SAMD13: variants seen among roughly 807,000 people sequenced by gnomAD.
The protein encoded by SAMD13 is sterile alpha motif domain-containing protein 13.
In SAMD13, 9 loss-of-function variants were observed where a neutral mutation model predicts 12.4. The ratio of observed to expected loss-of-function variants is 0.72; its 90% CI spans 0.44 to 1.26. The LOEUF is 1.26. Among genes scored for constraint, SAMD13 ranks in the 50% most tolerant of loss-of-function variants. SAMD13 has a pLI of 0.00. For synonymous variants in SAMD13, 46 were observed against 45.4 expected, an observed-to-expected ratio of 1.01 and a Z score of -0.05; for missense variants, 84 against 119.6, an observed-to-expected ratio of 0.70 and a Z score of 1.39.
At chr1:84,342,674 A>G (rs1258061745) in intron 3 of SAMD13, among the ~76,000 whole-genome samples, 1 of 152,118 alleles carries the variant, frequency 6.6e-6, no homozygotes, top group Admixed American at 6.5e-5. Flanking sequence ...CTGAAACTAG[A>G]CCCCTTCCTT....
chr1:84,313,921 A>G (rs776362785), intron 2 of SAMD13, among the ~76,000 whole-genome samples: 23 of 152,172 alleles, frequency 1.5e-4, no homozygotes, highest in Admixed American at 7.9e-4. Context: ...ACTAACTAAA[A>G]TAATTACTTT....
At chr1:84,345,042 A>G (rs2101821420) in intron 3 of SAMD13, 1 of 456,706 alleles carries the variant, frequency 2.2e-6, no homozygotes. Flanking sequence ...TGTGGCTCCC[A>G]TATTGGACAC....
intron 3 of SAMD13, among the ~76,000 whole-genome samples, chr1:84,342,467 C>A (rs1254686069): frequency 6.6e-6 from 1 of 152,010 alleles, no homozygotes; most frequent in Non-Finnish European, 1.5e-5. Flanking sequence ...TACTGTAAGG[C>A]CACAGTAACC....
intron 2 of SAMD13, among the ~76,000 whole-genome samples, chr1:84,324,030 T>C (rs1455546073): frequency 6.6e-6 from 1 of 152,188 alleles, no homozygotes; most frequent in Admixed American, 6.5e-5. Flanking sequence ...CCCTCCATTC[T>C]CTATGTCTGG....
chr1:84,311,104 G>A (rs916820187), intron 2 of SAMD13, among the ~76,000 whole-genome samples: 4 of 152,052 alleles, frequency 2.6e-5, no homozygotes, highest in African/African-American at 9.7e-5. Flanking sequence ...GGGAGGCCGA[G>A]GCAGGCAGAT....
intron 2 of SAMD13, among the ~76,000 whole-genome samples, chr1:84,306,434 C>T (rs1237766560): frequency 6.6e-6 from 1 of 151,912 alleles, no homozygotes; most frequent in East Asian, 1.9e-4. Flanking sequence ...TTTAATTCTT[C>T]CTTCCCAGTC....
intron 3 of SAMD13, among the ~76,000 whole-genome samples, chr1:84,332,869 A>C (rs1466897533): frequency 6.6e-6 from 1 of 152,118 alleles, no homozygotes; most frequent in Non-Finnish European, 1.5e-5. Flanking sequence ...TAGGCTTTAC[A>C]TTTAAGTCTC....
intron 2 of SAMD13, among the ~76,000 whole-genome samples, chr1:84,308,691 G>A (rs1678640237): frequency 1.3e-5 from 2 of 152,168 alleles, no homozygotes; most frequent in South Asian, 2.1e-4. Context: ...GGGCAGAGAA[G>A]AAGAGAGGTA....
chr1:84,317,177 CA>C lies in SAMD13; in HGVS notation c.54-8458del, dbSNP rs1481150707. 3.3e-5 allele frequency among the ~76,000 whole-genome samples: 5 copies of C among 151,990 alleles called. No individual in the cohort carries two copies. The East Asian group carries it at 9.6e-4, about 29-fold the overall frequency. ...AAGGACAGTTTTACTTTTTCCTTTT[CA>C]ATTTGGAGGCTATTTATTTCTTTGT... is the stretch of plus-strand genomic sequence containing the variant. On this transcript the variant is annotated intron_variant, in intron 2 of 3. Transcript: ENST00000394834.
chr1:84,313,208 G>A (rs947169031), intron 2 of SAMD13, among the ~76,000 whole-genome samples: 2 of 151,996 alleles, frequency 1.3e-5, no homozygotes, highest in Non-Finnish European at 2.9e-5. Flanking sequence ...ACATATATAT[G>A]GGAGCATACA....
intron 3 of SAMD13, among the ~76,000 whole-genome samples, chr1:84,346,636 T>C (rs1033532956): frequency 6.6e-6 from 1 of 152,226 alleles, no homozygotes; most frequent in Non-Finnish European, 1.5e-5. Flanking sequence ...AAGTTACTGA[T>C]AGAGTCTGCA....
chr1:84,347,402 A>C (rs563860180), intron 3 of SAMD13, among the ~76,000 whole-genome samples: 283 of 152,304 alleles, frequency 1.9e-3, no homozygotes, highest in Non-Finnish European at 3.2e-3. Flanking sequence ...TGATTTTTCC[A>C]TTTTGTCTTA....
intron 2 of SAMD13, among the ~76,000 whole-genome samples, chr1:84,316,300 T>C (rs1678831996): frequency 6.6e-6 from 1 of 152,158 alleles, no homozygotes; most frequent in Non-Finnish European, 1.5e-5. Flanking sequence ...TTGCCAAAAC[T>C]AATGTCTTGA....
At chr1:84,334,935 T>C (rs955720266) in intron 3 of SAMD13, among the ~76,000 whole-genome samples, 15 of 152,178 alleles carry the variant, frequency 9.9e-5, no homozygotes, top group Admixed American at 8.5e-4. Flanking sequence ...TTTCCCTTTT[T>C]TTTAATTTTC....
chr1:84,335,113 T>G (rs1255342544), intron 3 of SAMD13, among the ~76,000 whole-genome samples: 1 of 152,156 alleles, frequency 6.6e-6, no homozygotes, highest in Admixed American at 6.5e-5. Flanking sequence ...GTTGTCTGCC[T>G]TGATGGTCTG....
At chr1:84,341,328 A>G (rs2101818110) in intron 3 of SAMD13, among the ~76,000 whole-genome samples, 1 of 152,250 alleles carries the variant, frequency 6.6e-6, no homozygotes, top group African/African-American at 2.4e-5. Context: ...TAGAGATTTA[A>G]TAAGGAACTG....
chr1:84,321,632 A>G (rs938773445), intron 2 of SAMD13, among the ~76,000 whole-genome samples: 1 of 152,208 alleles, frequency 6.6e-6, no homozygotes, highest in Non-Finnish European at 1.5e-5. Context: ...TGTGGCGAGA[A>G]TGGACCATTT....
chr1:84,321,970 G>C (rs1391650978), intron 2 of SAMD13, among the ~76,000 whole-genome samples: 1 of 152,200 alleles, frequency 6.6e-6, no homozygotes, highest in Admixed American at 6.5e-5. Context: ...ACGTGCCTCT[G>C]CAAGCCATCC....
At chr1:84,306,830 A>AAATAATAATAAT (rs56408257) in intron 2 of SAMD13, among the ~76,000 whole-genome samples, 27 of 144,482 alleles carry the variant, frequency 1.9e-4, no homozygotes, top group Admixed American at 3.5e-4. Context: ...CTCCGTCTCA[A>AAATAATAATAAT]AATAATAATA....
Sources: allele counts gnomAD v4.1 joint callset (sites outside exome capture counted in the v4.1 genomes callset), GRCh38; gene constraint gnomAD v4.1.1; transcripts MANE v1.5; gene names NCBI Gene and HGNC (gene_info 2026-07-23, HGNC 2026-07-21).